MUC5B: variants seen among roughly 807,000 people sequenced by gnomAD.
The protein encoded by MUC5B is mucin 5B, oligomeric mucus/gel-forming, also known as mucin-5B.
In MUC5B, 116 loss-of-function variants were observed where a neutral mutation model predicts 376.9. The ratio of observed to expected loss-of-function variants is 0.31; its 90% CI spans 0.26 to 0.36. The LOEUF is 0.36. Among genes scored for constraint, MUC5B ranks in the 10% least tolerant of loss-of-function variants. MUC5B has a pLI of 1.00. For synonymous variants in MUC5B, 3,517 were observed against 3,390.9 expected (o/e 1.04, Z -1.29); for missense variants, 7,165 against 7,769.9 (o/e 0.92, Z 2.93).
chr11:1,232,048 C>T lies in MUC5B; in HGVS notation c.1731C>T (p.Ser577=), dbSNP rs185712376. 2.1e-5 allele frequency: 34 copies of T among 1,612,804 alleles called. No homozygotes were observed. The highest frequency in any genetic ancestry group is 1.7e-4 in the African/African-American group (13 of 75,054). ...QNQADDFTAL[S]GVVEATGAAF... is the part of the protein sequence containing the mutation. ...AGGCTGACGACTTCACGGCCCTCAG[C>T]GGGGTGGTGGAGGCCACGGGCGCAG... is the stretch of plus-strand genomic sequence containing the variant. Residue 577 remains serine, a synonymous_variant, in exon 15 of 49, where the codon AGC becomes AGT. Transcript: ENST00000529681.
intron 32 of MUC5B, 38 bp downstream of exon 32, chr11:1,252,562 C>T: frequency 1.3e-6 from 2 of 1,487,430 alleles, no homozygotes; most frequent in Non-Finnish European, 1.8e-6. Context: ...GTGCTGCGTG[C>T]ACACGGTCTG....
intron 26 of MUC5B, 46 bp downstream of exon 26, chr11:1,239,073 G>T (rs1252607459): frequency 6.4e-7 from 1 of 1,553,442 alleles, no homozygotes; most frequent in Non-Finnish European, 8.7e-7. Context: ...AGCTGCTGGG[G>T]CAGGGGAGGA....
At chr11:1,225,643 T>C (rs1359357835) in intron 1 of MUC5B, 38 bp from the exon 2 acceptor site, 3 of 1,563,802 alleles carry the variant, frequency 1.9e-6, no homozygotes, top group Non-Finnish European at 2.6e-6. Flanking sequence ...GGCAGCCACA[T>C]CTAGTTCCTC....
Position 1,250,798 on chromosome 11 carries a change from T to C in MUC5B, c.13918T>C (p.Ser4640Pro), listed in dbSNP as rs1590188164. ...PTTSGSTVTP[S>P]SIPGTTHTAR... ...AACCAGTGGCTCCACGGTGACCCCC[T>C]CCTCCATCCCGGGGACCACCCACAC... The change falls in exon 31 of 49, where the codon TCC (serine) becomes CCC (proline). Residue 4640 changes from serine (S) to proline (P), a missense_variant. By Grantham distance (74) the Ser-to-Pro change is moderately conservative. Coordinates refer to ENST00000529681, the MANE Select transcript of MUC5B (RefSeq NM_002458.3). 6.2e-7 allele frequency: 1 copy of C among 1,612,054 alleles called. No homozygotes were observed.
At chr11:1,229,639 C>T (rs1201305450) in intron 9 of MUC5B, 51 bp from the exon 10 acceptor site, 8 of 1,462,116 alleles carry the variant, frequency 5.5e-6, no homozygotes, top group Middle Eastern at 1.8e-4. Context: ...GTCTTCTGAC[C>T]TTGGTGTCCC....
chr11:1,239,406 C>T (rs757558208), intron 26 of MUC5B, 32 bp from the exon 27 acceptor site: 15 of 1,585,556 alleles, frequency 9.5e-6, no homozygotes, highest in East Asian at 6.8e-5. Context: ...GGCTGGTGGG[C>T]GCCTCCTTAG....
intron 6 of MUC5B, 54 bp downstream of exon 6, chr11:1,227,452 G>A (rs554024530): frequency 1.4e-6 from 2 of 1,415,242 alleles, no homozygotes; most frequent in East Asian, 4.8e-5. Flanking sequence ...CCAACGAAGA[G>A]CCACAGTCCC....
At chr11:1,225,564 GCCA>G in intron 1 of MUC5B, 114 bp from the exon 2 acceptor site, 1 of 898,196 alleles carries the variant, frequency 1.1e-6, no homozygotes, top group South Asian at 1.7e-5. Flanking sequence ...CATGGAGACC[GCCA>G]CCAAGGACCC....
Position 1,253,994 on chromosome 11 carries a change from C to G in MUC5B, c.15218-98C>G, listed in dbSNP as rs528786899. 1.0e-4 allele frequency: 156 copies of G among 1,496,344 alleles called. 1 individual carries two copies. In the East Asian group the frequency reaches 3.3e-3, roughly 32 times the overall value. The allele number at this position is 1,496,344 out of a possible 1,614,324, so 92.7% of individuals were successfully genotyped here. A position where few individuals can be genotyped will look rare whatever the true frequency, so the allele number is the denominator to read the frequency against. On this transcript the variant is annotated intron_variant, in intron 33 of 48. Transcript: ENST00000529681. This position sits in a 1 kb window ranked among gnomAD's most constrained non-coding sequence, Gnocchi z 4.3. ...GGCCCCAGGGGCTTCAGTGGCTCCCCAAGGCGGCAGTCACAGTGGTGACGC... is the reference window on the plus strand; with the variant it reads ...GGCCCCAGGGGCTTCAGTGGCTCCCGAAGGCGGCAGTCACAGTGGTGACGC...
At position 1,260,204 on chromosome 11, in the gene MUC5B, C is replaced by G. The variant is rs563808575; in HGVS notation, c.16923+119C>G. The G allele has an allele frequency of 9.1e-6, 13 of 1,431,914 alleles. No individual in the cohort carries two copies. The African/African-American group carries it at 1.7e-4, about 19-fold the overall frequency. The allele number at this position is 1,431,914 out of a possible 1,614,324, so 88.7% of individuals were successfully genotyped here. On this transcript the variant is annotated intron_variant, in intron 46 of 48. Coordinates refer to ENST00000529681, the MANE Select transcript of MUC5B (RefSeq NM_002458.3). ...CACCCCTGCTGGGGAGGCCCCACCCCTGCCTGGGAAGCCCCACCCCTGCCT... is the reference window on the plus strand; with the variant it reads ...CACCCCTGCTGGGGAGGCCCCACCCGTGCCTGGGAAGCCCCACCCCTGCCT...
rs1269275693 is a variant in MUC5B at position 1,239,427 on chromosome 11, C to T, written c.3455-11C>T. Reference sequence around the variant, plus strand: ...TGGGCGCCTCCTTAGCCTCTGCCCTCTGTGCCCCAGCCTTGTTCTGTGACT... The same window carrying T: ...TGGGCGCCTCCTTAGCCTCTGCCCTTTGTGCCCCAGCCTTGTTCTGTGACT... On this transcript the variant is annotated splice_polypyrimidine_tract_variant and intron_variant, in intron 26 of 48. Coordinates refer to ENST00000529681, the MANE Select transcript of MUC5B (RefSeq NM_002458.3). 1 of 1,605,114 alleles carries T rather than the reference C, an allele frequency of 6.2e-7. No homozygotes were observed. Among genetic ancestry groups the T allele is most frequent in the Non-Finnish European group, 8.5e-7 (1 of 1,174,304 alleles).
rs201894106 is a variant in MUC5B at position 1,241,310 on chromosome 11, C to T, written c.4430C>T (p.Thr1477Met). 5,256 of 1,605,384 alleles carry T rather than the reference C, an allele frequency of 3.3e-3. 13 individuals carry two copies. The highest frequency in any genetic ancestry group is 3.7e-3 in the Non-Finnish European group (4,359 of 1,175,916). ...TLWVTPSIRS[T>M]AALTSQTGSS... ...TGGGTGACCCCGAGCATCCGGTCGA[C>T]GGCGGCCCTCACCTCGCAGACTGGG... Residue 1477 changes from threonine to methionine, a missense_variant, in exon 31 of 49, where the codon ACG (threonine) becomes ATG (methionine). By Grantham distance (81) the Thr-to-Met change is moderately conservative. Coordinates refer to ENST00000529681, the MANE Select transcript of MUC5B (RefSeq NM_002458.3).
Position 1,226,603 on chromosome 11 carries a change from C to T in MUC5B, c.200-12C>T, listed in dbSNP as rs776408111. ...TGGCATGGGGATGGGCCTCATCCCG[C>T]GCTCCCCACAGCCCTGAACCCGGCG... On this transcript the variant is annotated splice_polypyrimidine_tract_variant and intron_variant, in intron 3 of 48. Transcript: ENST00000529681. The T allele has an allele frequency of 5.4e-5, 86 of 1,602,734 alleles. No individual in the cohort carries two copies. Among genetic ancestry groups the T allele is most frequent in the Admixed American group, 2.7e-4 (16 of 58,834 alleles).
chr11:1,232,391 G>A (rs1370291508), intron 15 of MUC5B, 59 bp from the exon 16 acceptor site: 25 of 1,519,610 alleles, frequency 1.6e-5, no homozygotes, highest in East Asian at 1.2e-4. Flanking sequence ...GCAGGCCTGC[G>A]TGTCAGGGGT....
chr11:1,248,521 C>A lies in MUC5B; in HGVS notation c.11641C>A (p.Pro3881Thr). 6.2e-7 allele frequency: 1 copy of A among 1,613,112 alleles called. No homozygotes were observed. Among genetic ancestry groups the A allele is most frequent in the Non-Finnish European group, 8.5e-7 (1 of 1,179,598 alleles). The part of the protein sequence containing the change: ...TGFTVTPSSS[P>T]GTARTPPVWI... ...CTTCACAGTCACCCCCTCCTCCAGC[C>A]CAGGGACGGCACGCACGCCTCCAGT... Residue 3881 changes from proline to threonine, a missense_variant, in exon 31 of 49, where the codon CCA (proline) becomes ACA (threonine). Coordinates refer to ENST00000529681, the MANE Select transcript of MUC5B (RefSeq NM_002458.3).
At position 1,250,727 on chromosome 11, in the gene MUC5B, C is replaced by T. The variant is rs754307181; in HGVS notation, c.13847C>T (p.Pro4616Leu). The change falls in exon 31 of 49, where the codon CCA becomes CTA. Residue 4616 changes from proline to leucine, a missense_variant. This residue lies in a region of MUC5B where 730 missense variants were observed against 592.7 expected (regional missense o/e 1.23). Transcript: ENST00000529681. ...SSSPGTALTP[P>L]VWISTTTTPT... ...AGCCCAGGGACGGCACTCACGCCTC[C>T]AGTGTGGATCAGCACAACCACCACA... 19 of 1,612,184 alleles carry T rather than the reference C, an allele frequency of 1.2e-5. No individual in the cohort carries two copies. In the Admixed American group the frequency reaches 3.0e-4, roughly 25 times the overall value.
rs776061858 is a variant in MUC5B, at chr11:1,229,972, C to A, written c.1221-33C>A. The A allele has an allele frequency of 8.3e-6, 13 of 1,569,114 alleles. No individual in the cohort carries two copies. In the South Asian group the frequency reaches 1.0e-4, roughly 13 times the overall value. Reference sequence around the variant, plus strand: ...GAGGGTGGGGCCCACCTCCTCCCGACATGCCGGTTCTGCTCACGGCCTCCC... The same window carrying A: ...GAGGGTGGGGCCCACCTCCTCCCGAAATGCCGGTTCTGCTCACGGCCTCCC... On this transcript the variant is annotated intron_variant, in intron 10 of 48. Coordinates refer to ENST00000529681, the MANE Select transcript of MUC5B (RefSeq NM_002458.3).
chr11:1,242,995 C>A lies in MUC5B; in HGVS notation c.6115C>A (p.Pro2039Thr). ...TTGATGSVAT[P>T]SSTPGTAHTT... ...TGGGGCCACCGGCTCTGTGGCCACC[C>A]CCTCCTCCACCCCAGGAACAGCTCA... Residue 2039 changes from proline to threonine, a missense_variant, in exon 31 of 49, where the codon CCC (proline) becomes ACC (threonine). Pro to Thr is a conservative substitution (Grantham distance 38). This residue lies in a region of MUC5B where 897 missense variants were observed against 779.6 expected (regional missense o/e 1.15). Transcript: ENST00000529681. The A allele has an allele frequency of 6.2e-7, 1 of 1,613,256 alleles. No individual in the cohort carries two copies. The highest frequency in any genetic ancestry group is 1.1e-5 in the South Asian group (1 of 91,056).
chr11:1,229,744 C>T lies in MUC5B; in HGVS notation c.1157C>T (p.Pro386Leu). 6.2e-7 allele frequency: 1 copy of T among 1,601,046 alleles called. No individual in the cohort carries two copies. The highest frequency in any genetic ancestry group is 8.5e-7 in the Non-Finnish European group (1 of 1,175,646). Residue 386 changes from proline to leucine, a missense_variant, in exon 10 of 49, where the codon CCC becomes CTC. Coordinates refer to ENST00000529681, the MANE Select transcript of MUC5B (RefSeq NM_002458.3). ...GGCTGCCTGCCCCTCGGGCAGTGCC[C>T]CTGCACCCACGGCGGCCGCACCTAC... is the stretch of plus-strand genomic sequence containing the variant. ...HSGCLPLGQC[P>L]CTHGGRTYSP...
Sources: gnomAD v4.1 joint callset for allele counts on GRCh38, gnomAD v4.1.1 for gene constraint, gnomAD v4.1.1 regional missense constraint, Gnocchi (gnomAD v3.1) non-coding constraint, MANE v1.5 for transcripts, NCBI Gene and HGNC (gene_info 2026-07-23, HGNC 2026-07-21) for gene names.